Variants in MTUS2 observed in about 807,000 individuals in gnomAD.
The protein encoded by MTUS2 is microtubule-associated tumor suppressor candidate 2.
In MTUS2, 40 loss-of-function variants were observed where a neutral mutation model predicts 114.1. The ratio of observed to expected loss-of-function variants is 0.35; its 90% CI spans 0.27 to 0.46. MTUS2 has a LOEUF of 0.46. MTUS2 is among the 20% of genes least tolerant of loss of function. The pLI, the probability that MTUS2 is intolerant of heterozygous loss-of-function variation, is 1.00. For missense variants in MTUS2, 1,679 were observed against 1,705.4 expected (o/e 0.98, Z 0.27); for synonymous variants, 688 against 672.0 (o/e 1.02, Z -0.37).
intron 5 of MTUS2, among the ~76,000 whole-genome samples, chr13:29,209,157 G>C (rs768446459): frequency 1.3e-5 from 2 of 152,060 alleles, no homozygotes; most frequent in Non-Finnish European, 2.9e-5. Context: ...CTTTGGACTA[G>C]TCCTTTTATC....
At chr13:29,488,494 G>A (rs551513879) in intron 11 of MTUS2, among the ~76,000 whole-genome samples, 33 of 140,252 alleles carry the variant, frequency 2.4e-4, no homozygotes, top group African/African-American at 8.2e-4. Flanking sequence ...AGGCTGGAGT[G>A]CAGTGGTGCG....
intron 2 of MTUS2, among the ~76,000 whole-genome samples, chr13:28,889,668 G>A (rs1046812879): frequency 6.6e-6 from 1 of 152,014 alleles, no homozygotes; most frequent in Non-Finnish European, 1.5e-5. Flanking sequence ...TTAGAAGGTA[G>A]CCATGCCTGG....
chr13:28,955,660 C>T (rs1490424060), intron 2 of MTUS2, among the ~76,000 whole-genome samples: 1 of 152,292 alleles, frequency 6.6e-6, no homozygotes, highest in East Asian at 1.9e-4. Context: ...CCCCTCCCTT[C>T]AGATGCCATT....
chr13:28,977,655 G>A (rs1884176753), intron 2 of MTUS2, among the ~76,000 whole-genome samples: 1 of 152,082 alleles, frequency 6.6e-6, no homozygotes, highest in South Asian at 2.1e-4. Context: ...GTATTATCAG[G>A]TGGAGATGAA....
intron 2 of MTUS2, among the ~76,000 whole-genome samples, chr13:28,857,308 A>G (rs1001511917): frequency 2.0e-5 from 3 of 152,218 alleles, no homozygotes; most frequent in Admixed American, 6.5e-5. Context: ...TCGTCTTTTT[A>G]AAAATCTGAA....
chr13:29,488,248 C>T (rs1881779470), intron 11 of MTUS2: 1 of 504,028 alleles, frequency 2.0e-6, no homozygotes, highest in African/African-American at 1.9e-5. Context: ...AATTCCCCGT[C>T]CCCTGGGGAG....
intron 5 of MTUS2, among the ~76,000 whole-genome samples, chr13:29,266,694 T>C (rs1427938440): frequency 6.6e-6 from 1 of 152,166 alleles, no homozygotes; most frequent in Non-Finnish European, 1.5e-5. Flanking sequence ...CCAGGAGCAG[T>C]TGCAAAAAGT....
chr13:28,939,183 G>A (rs1474706619), intron 2 of MTUS2, among the ~76,000 whole-genome samples: 4 of 152,030 alleles, frequency 2.6e-5, no homozygotes, highest in Admixed American at 6.5e-5. Context: ...CTTTTGGGCC[G>A]GAAATTTGGG....
At chr13:29,323,588 A>G (rs116128261) in intron 6 of MTUS2, among the ~76,000 whole-genome samples, 4,428 of 152,290 alleles carry the variant, frequency 0.029, 238 homozygotes, top group African/African-American at 0.1. Flanking sequence ...AAATACACTG[A>G]TAAGAAAAAG....
chr13:29,503,467 A>G lies in MTUS2; in HGVS notation c.*261A>G, dbSNP rs1883047194. On this transcript the variant is annotated 3_prime_UTR_variant, in exon 16 of 16. Transcript: ENST00000612955. The stretch of plus-strand genomic sequence containing the variant: ...AAGACACTTGCAATTGTTCTTGAGC[A>G]ATGAACTTTCACTGCAGAATTTCAG... 10 of 571,388 alleles carry G rather than the reference A, an allele frequency of 1.8e-5. 1 individual carries two copies. The South Asian group carries it at 2.1e-4, about 12-fold the overall frequency. The allele number at this position is 571,388 out of a possible 1,614,324, so 35.4% of individuals were successfully genotyped here. A position where few individuals can be genotyped will look rare whatever the true frequency, so the allele number is the denominator to read the frequency against.
At chr13:29,229,893 C>T (rs533788957) in intron 5 of MTUS2, among the ~76,000 whole-genome samples, 1 of 152,296 alleles carries the variant, frequency 6.6e-6, no homozygotes, top group East Asian at 1.9e-4. Context: ...ATGAAGACGA[C>T]ATCATCAAGA....
At chr13:29,075,475 G>A (rs1593449490) in intron 4 of MTUS2, among the ~76,000 whole-genome samples, 1 of 152,156 alleles carries the variant, frequency 6.6e-6, no homozygotes, top group African/African-American at 2.4e-5. Context: ...CTTTCAGTTA[G>A]TATTATCTCT....
At chr13:28,904,851 G>T (rs1174973865) in intron 2 of MTUS2, among the ~76,000 whole-genome samples, 1 of 151,900 alleles carries the variant, frequency 6.6e-6, no homozygotes, top group Non-Finnish European at 1.5e-5. Context: ...GGGCAGTATG[G>T]CCATTTTCAT....
chr13:28,847,444 A>G (rs937362270), intron 2 of MTUS2, among the ~76,000 whole-genome samples: 3 of 152,122 alleles, frequency 2.0e-5, no homozygotes, highest in African/African-American at 7.2e-5. Context: ...GAGGATCTCT[A>G]GAAATGGGGC....
intron 4 of MTUS2, among the ~76,000 whole-genome samples, chr13:29,081,509 G>C (rs946286231): frequency 6.6e-6 from 1 of 151,998 alleles, no homozygotes; most frequent in South Asian, 2.1e-4. Flanking sequence ...GCCCAGCATT[G>C]TGTGTTCTGG....
intron 8 of MTUS2, among the ~76,000 whole-genome samples, chr13:29,368,446 C>A (rs1247389324): frequency 1.3e-5 from 2 of 152,016 alleles, no homozygotes; most frequent in African/African-American, 2.4e-5. Flanking sequence ...ACTGTATTAA[C>A]AACAATATAT....
intron 2 of MTUS2, among the ~76,000 whole-genome samples, chr13:28,855,990 T>C (rs1291081103): frequency 6.6e-6 from 1 of 152,178 alleles, no homozygotes; most frequent in African/African-American, 2.4e-5. Flanking sequence ...GGTATCTCAT[T>C]GTGGTTTTGA....
intron 8 of MTUS2, among the ~76,000 whole-genome samples, chr13:29,422,992 T>C (rs992786775): frequency 2.0e-5 from 3 of 152,234 alleles, no homozygotes; most frequent in African/African-American, 7.2e-5. Context: ...CCTTCAAGTT[T>C]AGTCTTTTTT....
At chr13:29,327,743 T>G (rs1218025882) in intron 7 of MTUS2, among the ~76,000 whole-genome samples, 1 of 152,186 alleles carries the variant, frequency 6.6e-6, no homozygotes, top group African/African-American at 2.4e-5. Flanking sequence ...TTCTCTTGGG[T>G]AAATATCTAA....
Sources: gnomAD v4.1 joint callset for allele counts (sites outside exome capture counted in the v4.1 genomes callset) on GRCh38, gnomAD v4.1.1 for gene constraint, MANE v1.5 for transcripts, NCBI Gene and HGNC (gene_info 2026-07-23, HGNC 2026-07-21) for gene names.